The following INSYN2A variants were observed in gnomAD, a reference collection of about 807,000 sequenced individuals.
The protein encoded by INSYN2A is family with sequence similarity 196 member A.
INSYN2A carries 17 observed loss-of-function variants against 39.4 expected under a neutral mutation model. The ratio of observed to expected loss-of-function variants is 0.43; its 90% CI spans 0.30 to 0.65. The LOEUF is 0.65. Ranked by LOEUF, INSYN2A falls within the 30% of genes least tolerant of loss-of-function variation. The pLI, the probability that INSYN2A is intolerant of heterozygous loss-of-function variation, is 0.14. For missense variants in INSYN2A, 595 were observed against 631.2 expected, an observed-to-expected ratio of 0.94 and a Z score of 0.61; for synonymous variants, 255 against 265.7, an observed-to-expected ratio of 0.96 and a Z score of 0.39.
At chr10:127,179,631 C>A (rs974747190) in intron 2 of INSYN2A, among the ~76,000 whole-genome samples, 1 of 152,012 alleles carries the variant, frequency 6.6e-6, no homozygotes, top group African/African-American at 2.4e-5. Context: ...TTCATTTGCT[C>A]TTTATTGGGG....
chr10:127,179,452 GTTCTTA>G (rs2055507666), intron 2 of INSYN2A, among the ~76,000 whole-genome samples: 1 of 152,280 alleles, frequency 6.6e-6, no homozygotes, highest in South Asian at 2.1e-4. Flanking sequence ...TAGTAATTGA[GTTCTTA>G]TTCTCTGATA....
Position 127,196,336 on chromosome 10 carries a change from C to T in INSYN2A, c.-734G>A, listed in dbSNP as rs549446617. 6.7e-6 allele frequency among the ~76,000 whole-genome samples: 1 copy of T among 148,854 alleles called. No homozygotes were observed. The highest frequency in any genetic ancestry group is 2.1e-4 in the South Asian group (1 of 4,832). Reference sequence around the variant, plus strand: ...GGACGCCCGCGCGCTCGCTTGCTCGCGACGCGGCGGAGCCAGCCACAGCCA... The same window carrying T: ...GGACGCCCGCGCGCTCGCTTGCTCGTGACGCGGCGGAGCCAGCCACAGCCA... On this transcript the variant is annotated 5_prime_UTR_variant, in exon 1 of 6. Coordinates refer to ENST00000522781, the MANE Select transcript of INSYN2A (RefSeq NM_001039762.3).
chr10:127,172,979 C>T (rs11814964), intron 4 of INSYN2A, among the ~76,000 whole-genome samples: 22,233 of 152,170 alleles, frequency 0.15, 1,930 homozygotes, highest in African/African-American at 0.24. Context: ...TCAATAGCCA[C>T]GTGCAGCTAG....
Position 127,196,245 on chromosome 10 carries a change from T to C in INSYN2A, c.-643A>G, listed in dbSNP as rs1211108879. 3 of 147,690 alleles carry C rather than the reference T, an allele frequency of 2.0e-5. No homozygotes were observed. The East Asian group carries it at 6.1e-4, about 30-fold the overall frequency. 9.1% of individuals were successfully genotyped at this position (147,690 alleles called of 1,614,324 possible). On this transcript the variant is annotated 5_prime_UTR_variant, in exon 1 of 6. Coordinates refer to ENST00000522781, the MANE Select transcript of INSYN2A (RefSeq NM_001039762.3). ...GCCGGCCCCCGCGCCGCAGCTCGCGTCGCTCGCGTCCCTCCGGCCCCGCTT... is the reference window on the plus strand; with the variant it reads ...GCCGGCCCCCGCGCCGCAGCTCGCGCCGCTCGCGTCCCTCCGGCCCCGCTT...
At chr10:127,158,453 C>A (rs566580727) in intron 4 of INSYN2A, among the ~76,000 whole-genome samples, 1 of 152,294 alleles carries the variant, frequency 6.6e-6, no homozygotes, top group South Asian at 2.1e-4. Flanking sequence ...AGATTAATTG[C>A]TACCTTTGTA....
chr10:127,150,175 T>A (rs956373318), intron 5 of INSYN2A, among the ~76,000 whole-genome samples: 1 of 152,218 alleles, frequency 6.6e-6, no homozygotes, highest in African/African-American at 2.4e-5. Context: ...ACACTGCTAC[T>A]GAGTCACCTG....
At position 127,176,276 on chromosome 10, in the gene INSYN2A, T is replaced by C. The variant is rs751970879; in HGVS notation, c.120A>G (p.Lys40=). 3.1e-6 allele frequency: 5 copies of C among 1,614,056 alleles called. No homozygotes were observed. In the South Asian group the frequency reaches 5.5e-5, roughly 18 times the overall value. The change falls in exon 4 of 6, where the codon AAA becomes AAG. Residue 40 remains lysine (K), a synonymous_variant. Transcript: ENST00000522781. This position sits in a 1 kb window ranked among gnomAD's most constrained non-coding sequence, Gnocchi z 4.4. ...YALDPNRQIK[K]RNKALQVRFK... is the part of the protein sequence containing the mutation. ...ACCGCACCTGCAGGGCTTTGTTCCG[T>C]TTTTTAATCTGCCGGTTGGGGTCCA...
chr10:127,172,839 T>C lies in INSYN2A; in HGVS notation c.1184+2373A>G, dbSNP rs551984355. Among the ~76,000 whole-genome samples the C allele has an allele frequency of 3.5e-4, 54 of 152,332 alleles. No homozygotes were observed. The South Asian group carries it at 5.0e-3, about 14-fold the overall frequency. ...CCAGGCACTGTGCCATGTTCTGGGATACCGGAGTGAATGACATTTCGTGAT... is the reference window on the plus strand; with the variant it reads ...CCAGGCACTGTGCCATGTTCTGGGACACCGGAGTGAATGACATTTCGTGAT... On this transcript the variant is annotated intron_variant, in intron 4 of 5. Transcript: ENST00000522781.
At chr10:127,194,816 C>T (rs145656348) in intron 1 of INSYN2A, among the ~76,000 whole-genome samples, 1 of 152,192 alleles carries the variant, frequency 6.6e-6, no homozygotes, top group Non-Finnish European at 1.5e-5. Context: ...GGCAGGGCTC[C>T]CCCAAAGTTC....
chr10:127,175,701 CG>C lies in INSYN2A; in HGVS notation c.694del (p.Arg232GlyfsTer133), dbSNP rs760865513. On this transcript the variant is annotated frameshift_variant, in exon 4 of 6. Coordinates refer to ENST00000522781, the MANE Select transcript of INSYN2A (RefSeq NM_001039762.3). LOFTEE classifies it high-confidence loss of function. This position sits in a 1 kb window ranked among gnomAD's most constrained non-coding sequence, Gnocchi z 6.3. ...YQLLGRAKQD[R>X]GRPNSEEPAP... ...GGGCTCCTCGGAGTTTGGCCTCCCC[CG>C]GTCCTGCTTGGCCCTCCCGAGCAGC... The C allele has an allele frequency of 6.2e-7, 1 of 1,613,886 alleles. No individual in the cohort carries two copies. The highest frequency in any genetic ancestry group is 8.5e-7 in the Non-Finnish European group (1 of 1,179,998).
chr10:127,138,746 C>G (rs2050934999), intron 5 of INSYN2A, among the ~76,000 whole-genome samples: 1 of 152,182 alleles, frequency 6.6e-6, no homozygotes, highest in Admixed American at 6.5e-5. Flanking sequence ...AATGTGGAAG[C>G]ACATTTGCCA....
intron 4 of INSYN2A, among the ~76,000 whole-genome samples, chr10:127,171,168 G>T (rs1294459495): frequency 6.6e-6 from 1 of 152,114 alleles, no homozygotes; most frequent in African/African-American, 2.4e-5. Flanking sequence ...ATTCTCTGCC[G>T]AAGCCATTTG....
chr10:127,181,880 G>A (rs915578868), intron 2 of INSYN2A, among the ~76,000 whole-genome samples: 1 of 152,180 alleles, frequency 6.6e-6, no homozygotes. Flanking sequence ...TTTCCTTGGG[G>A]CAAAGCCAGC....
intron 2 of INSYN2A, among the ~76,000 whole-genome samples, chr10:127,184,679 A>G (rs943526301): frequency 2.0e-5 from 3 of 152,124 alleles, no homozygotes; most frequent in African/African-American, 4.8e-5. Flanking sequence ...CCATCTGCTG[A>G]CTTCCATTAA....
intron 5 of INSYN2A, among the ~76,000 whole-genome samples, chr10:127,149,158 T>C (rs1372869657): frequency 6.6e-6 from 1 of 152,160 alleles, no homozygotes; most frequent in Non-Finnish European, 1.5e-5. Context: ...ATCCCTTGCA[T>C]AATTGTAAAA....
At chr10:127,142,467 G>T (rs1454100064) in intron 5 of INSYN2A, among the ~76,000 whole-genome samples, 2 of 152,166 alleles carry the variant, frequency 1.3e-5, no homozygotes, top group Non-Finnish European at 2.9e-5. Context: ...TTACTCCTGG[G>T]GAGGAGCAGC....
intron 2 of INSYN2A, among the ~76,000 whole-genome samples, chr10:127,187,889 G>A (rs2489383): frequency 0.84 from 127,748 of 152,156 alleles, 54,072 homozygotes; most frequent in South Asian, 0.93. Flanking sequence ...TGTTTTAAAT[G>A]CCTAATATAA....
intron 4 of INSYN2A, among the ~76,000 whole-genome samples, chr10:127,155,169 C>G (rs74158625): frequency 0.014 from 2,132 of 152,300 alleles, 53 homozygotes; most frequent in African/African-American, 0.049. Flanking sequence ...CATTGCTAGT[C>G]AGTACTTTTT....
At chr10:127,193,251 C>T (rs2056876465) in intron 1 of INSYN2A, among the ~76,000 whole-genome samples, 1 of 152,110 alleles carries the variant, frequency 6.6e-6, no homozygotes, top group African/African-American at 2.4e-5. Context: ...ATGACGATGA[C>T]ACTGGTTTTA....
Sources: allele counts gnomAD v4.1 joint callset (sites outside exome capture counted in the v4.1 genomes callset), GRCh38; gene constraint gnomAD v4.1.1; non-coding constraint Gnocchi (gnomAD v3.1); transcripts MANE v1.5; gene names NCBI Gene and HGNC (gene_info 2026-07-23, HGNC 2026-07-21).